Variants in CEP83 observed in about 807,000 individuals in gnomAD.
CEP83 encodes centrosomal protein of 83 kDa.
In CEP83, 70 loss-of-function variants were observed where a neutral mutation model predicts 101.9. That is an observed-to-expected ratio of 0.69 (90% CI 0.57 to 0.84). The LOEUF is 0.84. CEP83 is among the 40% of genes least tolerant of loss of function. The pLI is 0.00. For missense variants in CEP83, 715 were observed against 787.2 expected (o/e 0.91, Z 1.10); for synonymous variants, 264 against 267.9 (o/e 0.99, Z 0.14).
chr12:94,341,214 A>C (rs11107513), intron 11 of CEP83, among the ~76,000 whole-genome samples: 45,381 of 151,904 alleles, frequency 0.3, 7,026 homozygotes, highest in Non-Finnish European at 0.35. Flanking sequence ...TAAAAAAAAA[A>C]CACTTTCATC....
chr12:94,372,248 AG>A (rs1431763701), intron 8 of CEP83, among the ~76,000 whole-genome samples: 1 of 152,150 alleles, frequency 6.6e-6, no homozygotes, highest in African/African-American at 2.4e-5. Context: ...CTGGGATTAC[AG>A]GCGTTAAGCC....
intron 2 of CEP83, among the ~76,000 whole-genome samples, chr12:94,423,025 C>T (rs558992262): frequency 6.6e-6 from 1 of 152,196 alleles, no homozygotes; most frequent in South Asian, 2.1e-4. Context: ...GTGTAAGAAA[C>T]TGCCAAATCT....
rs759191070 is a variant in CEP83, at chr12:94,368,037, T to G, written c.1193+20A>C. The stretch of plus-strand genomic sequence containing the variant: ...ATTTGCAAGGATATTTAAGTCAAAC[T>G]AAGGTAATTAAGTACTTACTTTTCA... On this transcript the variant is annotated intron_variant, in intron 10 of 16. Transcript: ENST00000397809. 5.6e-6 allele frequency: 9 copies of G among 1,609,220 alleles called. No individual in the cohort carries two copies. Among genetic ancestry groups the G allele is most frequent in the Non-Finnish European group, 7.6e-6 (9 of 1,176,956 alleles).
Position 94,368,206 on chromosome 12 carries a change from T to A in CEP83, c.1049-5A>T. 1.2e-6 allele frequency: 2 copies of A among 1,606,468 alleles called. No individual in the cohort carries two copies. The highest frequency in any genetic ancestry group is 8.5e-7 in the Non-Finnish European group (1 of 1,176,948). On this transcript the variant is annotated splice_polypyrimidine_tract_variant and splice_region_variant and intron_variant, in intron 9 of 16. Coordinates refer to ENST00000397809, the MANE Select transcript of CEP83 (RefSeq NM_016122.3). ...TTTCATTGTCTGACTGTAATCCTAG[T>A]GTTTTTCAAGGAGAAAAGTGTACTA...
chr12:94,289,950 C>T, the CEP83 span, among the ~76,000 whole-genome samples: 2 of 152,198 alleles, frequency 1.3e-5, no homozygotes, highest in African/African-American at 4.8e-5. Context: ...TGTGTCTATG[C>T]TATCTTAATG....
chr12:94,375,601 G>T (rs2061492804), intron 8 of CEP83, among the ~76,000 whole-genome samples: 1 of 152,244 alleles, frequency 6.6e-6, no homozygotes, highest in South Asian at 2.1e-4. Flanking sequence ...CATAAGAATT[G>T]ATCAGATTCT....
intron 2 of CEP83, chr12:94,434,162 CTT>C (rs1448369893): frequency 1.3e-5 from 2 of 152,210 alleles, no homozygotes; most frequent in African/African-American, 4.8e-5. Flanking sequence ...GCAACACACT[CTT>C]AAAGAATTTG....
intron 11 of CEP83, among the ~76,000 whole-genome samples, chr12:94,366,571 G>A (rs887776183): frequency 3.3e-5 from 5 of 152,082 alleles, no homozygotes; most frequent in South Asian, 2.1e-4. Context: ...TGAACTCCAC[G>A]GTGCTGGAAC....
intron 6 of CEP83, among the ~76,000 whole-genome samples, chr12:94,398,760 C>T (rs1412676257): frequency 1.3e-5 from 2 of 152,100 alleles, no homozygotes; most frequent in East Asian, 1.9e-4. Context: ...AGGAAGATAT[C>T]GCTAAATTCT....
intron 1 of CEP83, among the ~76,000 whole-genome samples, chr12:94,454,920 T>C (rs79873448): frequency 7.3e-5 from 11 of 151,384 alleles, no homozygotes; most frequent in African/African-American, 2.4e-4. Context: ...TTAAGAGCTG[T>C]AGCACTCACT....
the CEP83 span, among the ~76,000 whole-genome samples, chr12:94,267,958 G>A: frequency 6.6e-6 from 1 of 152,112 alleles, no homozygotes; most frequent in African/African-American, 2.4e-5. Context: ...AAACCAAGGT[G>A]CGGTGAACAA....
At chr12:94,267,752 T>C in the CEP83 span, among the ~76,000 whole-genome samples, 1 of 152,190 alleles carries the variant, frequency 6.6e-6, no homozygotes, top group Non-Finnish European at 1.5e-5. Context: ...AGAAGGTCAA[T>C]ATAAAAAATT....
At chr12:94,459,065 G>A (rs987170181) in intron 1 of CEP83, among the ~76,000 whole-genome samples, 13 of 152,214 alleles carry the variant, frequency 8.5e-5, no homozygotes, top group African/African-American at 3.1e-4. Context: ...AGATCTGTAA[G>A]ATTTGAAAGA....
At chr12:94,274,575 G>A in the CEP83 span, among the ~76,000 whole-genome samples, 2 of 152,316 alleles carry the variant, frequency 1.3e-5, no homozygotes, top group African/African-American at 4.8e-5. Flanking sequence ...GAAGAGGCAG[G>A]GCAGTCCCTC....
chr12:94,409,609 G>A (rs1012468011), intron 4 of CEP83, among the ~76,000 whole-genome samples: 8 of 152,114 alleles, frequency 5.3e-5, no homozygotes, highest in African/African-American at 1.4e-4. Flanking sequence ...CAGTGTATTC[G>A]TTTCCTAGGT....
intron 14 of CEP83, among the ~76,000 whole-genome samples, chr12:94,328,015 T>C (rs1259088998): frequency 1.3e-5 from 2 of 152,220 alleles, no homozygotes; most frequent in African/African-American, 4.8e-5. Flanking sequence ...CCCCAGTGTA[T>C]AGTGTAATCT....
chr12:94,362,601 C>T (rs1565989300), intron 11 of CEP83, among the ~76,000 whole-genome samples: 1 of 152,202 alleles, frequency 6.6e-6, no homozygotes. Context: ...CACACCACTG[C>T]ACTCCAGCCT....
At chr12:94,417,102 C>A (rs536716379) in intron 2 of CEP83, among the ~76,000 whole-genome samples, 9 of 152,074 alleles carry the variant, frequency 5.9e-5, no homozygotes, top group Non-Finnish European at 1.3e-4. Context: ...TTGGTTGAGA[C>A]CAGGAGTTCG....
intron 11 of CEP83, among the ~76,000 whole-genome samples, chr12:94,340,649 C>A (rs2059641942): frequency 6.6e-6 from 1 of 152,170 alleles, no homozygotes; most frequent in Admixed American, 6.5e-5. Context: ...GTTGGCCAGG[C>A]TGGTCTCAAA....
Sources: gnomAD v4.1 joint callset for allele counts (sites outside exome capture counted in the v4.1 genomes callset) on GRCh38, gnomAD v4.1.1 for gene constraint, MANE v1.5 for transcripts, NCBI Gene and HGNC (gene_info 2026-07-23, HGNC 2026-07-21) for gene names.